The following CNBD2 variants were observed in gnomAD, a reference collection of about 807,000 sequenced individuals.
CNBD2 encodes the protein cyclic nucleotide binding domain containing 2.
In CNBD2, 64 loss-of-function variants were observed where a neutral mutation model predicts 63.7. That is an observed-to-expected ratio of 1.00 (90% CI 0.82 to 1.24). The LOEUF (loss-of-function observed/expected upper bound fraction) is 1.24, where lower values mean the gene tolerates loss of function less well. CNBD2 is among the 50% of genes most tolerant of loss of function. The pLI is 0.00. For missense variants in CNBD2, 691 were observed against 713.5 expected (o/e 0.97, Z 0.36); for synonymous variants, 229 against 255.4 (o/e 0.90, Z 0.99).
rs145655560 is a variant in CNBD2, at chr20:35,995,089, C to T, written c.907C>T (p.Arg303Cys). The T allele has an allele frequency of 3.0e-5, 49 of 1,613,956 alleles. No homozygotes were observed. The East Asian group carries it at 4.2e-4, about 14-fold the overall frequency. The stretch of plus-strand genomic sequence containing the variant: ...GGACCTTGGGGCCTCCCCTTCCTAC[C>T]GTAGATGGATCTGGCAGCACCTGGA... The part of the protein sequence containing the change: ...LLDLGASPSY[R>C]RWIWQHLELI... Residue 303 changes from arginine to cysteine, a missense_variant, in exon 8 of 12, where the codon CGT becomes TGT. Physicochemically the swap from Arg to Cys is radical, Grantham distance 180. Transcript: ENST00000373973.
chr20:36,013,914 G>T (rs537814102), intron 10 of CNBD2, among the ~76,000 whole-genome samples: 7 of 152,074 alleles, frequency 4.6e-5, no homozygotes, highest in Non-Finnish European at 1.0e-4. Flanking sequence ...AGGTGTGGTG[G>T]CTCACGCCTG....
chr20:36,008,644 C>T (rs2057016510), intron 9 of CNBD2, among the ~76,000 whole-genome samples, 170 bp downstream of exon 9: 1 of 152,194 alleles, frequency 6.6e-6, no homozygotes, highest in East Asian at 1.9e-4. Flanking sequence ...GTCTGAGAGC[C>T]AGGACCTGCA....
chr20:36,013,645 CA>C (rs555473349), intron 10 of CNBD2, among the ~76,000 whole-genome samples: 17 of 152,232 alleles, frequency 1.1e-4, no homozygotes, highest in African/African-American at 3.6e-4. Context: ...AGCTGTTTGT[CA>C]TGAAGGTAGG....
chr20:36,029,975 G>T (rs766489028), intron 11 of CNBD2, among the ~76,000 whole-genome samples: 3 of 152,154 alleles, frequency 2.0e-5, no homozygotes, highest in Non-Finnish European at 4.4e-5. Flanking sequence ...GACATCTCAC[G>T]TAAACCGAAT....
At chr20:35,960,732 C>T (rs549705683) in intron 2 of CNBD2, among the ~76,000 whole-genome samples, 4 of 49,932 alleles carry the variant, frequency 8.0e-5, no homozygotes, top group African/African-American at 4.7e-4. Context: ...CCTTCTCTTC[C>T]CTTCTCTTCC....
rs1317620827 is a variant in CNBD2 at position 36,030,663 on chromosome 20, G to C, written c.*15G>C. Reference sequence around the variant, plus strand: ...TCTTGGCTTAGTGTAAGAGCACAGGGGTCCTTATTTAGGACAAATAAAGGA... The same window carrying C: ...TCTTGGCTTAGTGTAAGAGCACAGGCGTCCTTATTTAGGACAAATAAAGGA... On this transcript the variant is annotated 3_prime_UTR_variant, in exon 12 of 12. Transcript: ENST00000373973. 1.2e-6 allele frequency: 2 copies of C among 1,613,148 alleles called. No homozygotes were observed. Among genetic ancestry groups the C allele is most frequent in the Admixed American group, 1.7e-5 (1 of 59,900 alleles).
At chr20:36,000,552 T>TTTG (rs981409834) in intron 8 of CNBD2, among the ~76,000 whole-genome samples, 1 of 151,588 alleles carries the variant, frequency 6.6e-6, no homozygotes. Flanking sequence ...AATTTTTGTA[T>TTTG]TTGTTGTTGT....
chr20:35,955,954 C>G (rs2056252489), downstream of CNBD2, among the ~76,000 whole-genome samples: 5 of 152,290 alleles, frequency 3.3e-5, no homozygotes, highest in South Asian at 1.0e-3. Flanking sequence ...CTCTTGACCT[C>G]AGGTGATCCA....
chr20:35,987,810 T>TTA, intron 7 of CNBD2, among the ~76,000 whole-genome samples: 1 of 152,350 alleles, frequency 6.6e-6, no homozygotes, highest in African/African-American at 2.4e-5. Context: ...CATATTTAAA[T>TTA]TATGCATTTG....
chr20:36,017,198 G>C (rs1390585540), intron 10 of CNBD2, among the ~76,000 whole-genome samples: 17 of 152,176 alleles, frequency 1.1e-4, no homozygotes. Context: ...TGCGGGTGCA[G>C]AGGTAGGGCA....
intron 11 of CNBD2, among the ~76,000 whole-genome samples, chr20:36,026,009 G>A (rs544540854): frequency 6.6e-6 from 1 of 152,132 alleles, no homozygotes; most frequent in South Asian, 2.1e-4. Context: ...CTCCCTGGGT[G>A]ACATGTCTCT....
intron 8 of CNBD2, among the ~76,000 whole-genome samples, chr20:36,000,795 G>A (rs957235091): frequency 2.3e-5 from 3 of 129,488 alleles, no homozygotes; most frequent in Admixed American, 9.2e-5. Flanking sequence ...GGTGTTTCTC[G>A]CAGAGGGGGA....
At chr20:36,005,535 C>G (rs1192785906) in intron 8 of CNBD2, among the ~76,000 whole-genome samples, 3 of 152,180 alleles carry the variant, frequency 2.0e-5, no homozygotes, top group Non-Finnish European at 4.4e-5. Flanking sequence ...TGACTACATA[C>G]ATTTAAAACA....
Position 36,005,899 on chromosome 20 carries a change from C to T in CNBD2, c.971-2398C>T, listed in dbSNP as rs1277231852. Among the ~76,000 whole-genome samples the T allele has an allele frequency of 5.3e-5, 8 of 151,558 alleles. No homozygotes were observed. The South Asian group carries it at 6.3e-4, about 12-fold the overall frequency. On this transcript the variant is annotated intron_variant, in intron 8 of 11. Transcript: ENST00000373973. The stretch of plus-strand genomic sequence containing the variant: ...TTGGGAGGTGGAGCTTGCAGTGAGC[C>T]GAGATCAAGCCACTACACTCCAGCC...
At chr20:35,989,436 C>T (rs2056712353) in intron 7 of CNBD2, among the ~76,000 whole-genome samples, 1 of 152,122 alleles carries the variant, frequency 6.6e-6, no homozygotes, top group Non-Finnish European at 1.5e-5. Context: ...ATGCCAAGTA[C>T]CAAGTGATTG....
intron 3 of CNBD2, among the ~76,000 whole-genome samples, chr20:35,977,599 G>C (rs1568862725): frequency 6.6e-6 from 1 of 152,318 alleles, no homozygotes; most frequent in East Asian, 1.9e-4. Flanking sequence ...GATTGCTGGA[G>C]CCTGGGAAAT....
chr20:36,011,040 G>C (rs1357922616), intron 9 of CNBD2, 97 bp from the exon 10 acceptor site: 16 of 1,222,254 alleles, frequency 1.3e-5, no homozygotes, highest in Non-Finnish European at 2.1e-6. Flanking sequence ...CCAGGGAGGG[G>C]AGCCCTCCAT....
chr20:35,971,834 A>G (rs557099783), intron 1 of CNBD2, among the ~76,000 whole-genome samples: 2 of 152,176 alleles, frequency 1.3e-5, no homozygotes, highest in East Asian at 3.9e-4. Flanking sequence ...TTTTTTCATC[A>G]TGAAATTGAC....
At chr20:35,987,593 T>C (rs1488743922) in intron 7 of CNBD2, 60 bp downstream of exon 7, 1 of 1,585,630 alleles carries the variant, frequency 6.3e-7, no homozygotes, top group Admixed American at 1.7e-5. Flanking sequence ...TAAGATCATG[T>C]CCTGTGACCT....
Sources: gnomAD v4.1 joint callset for allele counts (sites outside exome capture counted in the v4.1 genomes callset) on GRCh38, gnomAD v4.1.1 for gene constraint, MANE v1.5 for transcripts, NCBI Gene and HGNC (gene_info 2026-07-23, HGNC 2026-07-21) for gene names.